The following MAST4 variants were observed in gnomAD, a reference collection of about 807,000 sequenced individuals.
MAST4 encodes the protein microtubule-associated serine/threonine-protein kinase 4.
In MAST4, 89 loss-of-function variants were observed where a neutral mutation model predicts 162.7. The ratio of observed to expected loss-of-function variants is 0.55; its 90% CI spans 0.46 to 0.65. MAST4 has a LOEUF of 0.65. MAST4 is among the 30% of genes least tolerant of loss of function. The pLI is 0.00. For missense variants in MAST4, 3,153 were observed against 3,374.0 expected (o/e 0.93, Z 1.62); for synonymous variants, 1,479 against 1,361.1 (o/e 1.09, Z -1.91).
rs371906395 is a variant in MAST4 at position 66,678,723 on chromosome 5, G to A, written c.364-80986G>A. Among the ~76,000 whole-genome samples, 246 of 151,890 alleles carry A rather than the reference G, an allele frequency of 1.6e-3. 1 individual carries two copies. Among genetic ancestry groups the A allele is most frequent in the African/African-American group, 5.6e-3 (231 of 41,360 alleles). ...TTGGCCACAATGGTCTCCATCTCTT[G>A]ATCTCGTGATCTTCCCACCTTGGCC... is the stretch of plus-strand genomic sequence containing the variant. On this transcript the variant is annotated intron_variant, in intron 1 of 28. Transcript: ENST00000403625.
rs1338691290 is a variant in MAST4, at chr5:67,167,139, G to T, written c.*88G>T. 4.8e-5 allele frequency: 58 copies of T among 1,209,654 alleles called. 1 individual carries two copies. In the South Asian group the frequency reaches 1.0e-3, roughly 21 times the overall value. The allele number at this position is 1,209,654 out of a possible 1,614,324, so 74.9% of individuals were successfully genotyped here. A position where few individuals can be genotyped will look rare whatever the true frequency, so the allele number is the denominator to read the frequency against. On this transcript the variant is annotated 3_prime_UTR_variant, in exon 29 of 29. Transcript: ENST00000403625. Reference sequence around the variant, plus strand: ...ACCTTTCAAAACCAGCACTGTGTGGGAATGTCCGCCAGGCAGAGCTCGGAG... The same window carrying T: ...ACCTTTCAAAACCAGCACTGTGTGGTAATGTCCGCCAGGCAGAGCTCGGAG...
At position 66,714,430 on chromosome 5, in the gene MAST4, A is replaced by C. The variant is rs1406315126; in HGVS notation, c.364-45279A>C. 2.6e-5 allele frequency among the ~76,000 whole-genome samples: 4 copies of C among 152,006 alleles called. No homozygotes were observed. In the East Asian group the frequency reaches 7.7e-4, roughly 29 times the overall value. ...AAAATCTAGGAACTGAGAAGAACAG[A>C]CCTCCTATTTATGAAGATAACATTG... is the stretch of plus-strand genomic sequence containing the variant. On this transcript the variant is annotated intron_variant, in intron 1 of 28. Coordinates refer to ENST00000403625, the MANE Select transcript of MAST4 (RefSeq NM_001164664.2).
chr5:66,719,241 T>C (rs561000789), intron 1 of MAST4, among the ~76,000 whole-genome samples: 3 of 152,358 alleles, frequency 2.0e-5, no homozygotes, highest in Non-Finnish European at 4.4e-5. Flanking sequence ...AAAAGCTTTC[T>C]CAAACCTAAT....
chr5:67,119,528 G>T (rs1030738929), intron 13 of MAST4, among the ~76,000 whole-genome samples: 4 of 152,046 alleles, frequency 2.6e-5, no homozygotes, highest in African/African-American at 7.3e-5. Context: ...TCTACCAGCT[G>T]GGGGGTGGGG....
chr5:66,694,740 G>C (rs1395789024), intron 1 of MAST4, among the ~76,000 whole-genome samples: 1 of 152,110 alleles, frequency 6.6e-6, no homozygotes, highest in Non-Finnish European at 1.5e-5. Context: ...GCCCACCTTG[G>C]CCTTCCAAAG....
intron 4 of MAST4, among the ~76,000 whole-genome samples, chr5:66,988,679 G>C (rs556673650): frequency 7.9e-5 from 12 of 152,132 alleles, no homozygotes; most frequent in Non-Finnish European, 1.6e-4. Flanking sequence ...AGTGGCTCCA[G>C]GATTTATGTT....
intron 1 of MAST4, among the ~76,000 whole-genome samples, chr5:66,754,256 A>G (rs894604910): frequency 6.6e-6 from 1 of 152,218 alleles, no homozygotes; most frequent in Non-Finnish European, 1.5e-5. Context: ...TGATTTGGAC[A>G]AATATATATG....
At chr5:66,926,409 T>C (rs1764894074) in intron 4 of MAST4, among the ~76,000 whole-genome samples, 1 of 152,022 alleles carries the variant, frequency 6.6e-6, no homozygotes, top group Non-Finnish European at 1.5e-5. Flanking sequence ...TTAGCCGGCA[T>C]GGTGGTGTGC....
At chr5:67,119,727 C>T (rs1767350314) in intron 13 of MAST4, among the ~76,000 whole-genome samples, 1 of 152,192 alleles carries the variant, frequency 6.6e-6, no homozygotes, top group South Asian at 2.1e-4. Flanking sequence ...ATCCATCAAA[C>T]TGGCAACTGT....
chr5:67,004,368 T>A (rs1447608800), intron 4 of MAST4, among the ~76,000 whole-genome samples: 3 of 152,122 alleles, frequency 2.0e-5, no homozygotes, highest in Non-Finnish European at 4.4e-5. Context: ...TCCACAAAGG[T>A]GTCAGGTTCA....
chr5:66,645,688 T>C (rs974001436), intron 1 of MAST4, among the ~76,000 whole-genome samples: 2 of 152,182 alleles, frequency 1.3e-5, no homozygotes, highest in East Asian at 1.9e-4. Context: ...AAATCACACA[T>C]AGTATTTGTT....
intron 1 of MAST4, among the ~76,000 whole-genome samples, chr5:66,667,477 T>C (rs1350102753): frequency 6.6e-6 from 1 of 152,228 alleles, no homozygotes; most frequent in Non-Finnish European, 1.5e-5. Context: ...TGATGTTTGC[T>C]GCTTATTACA....
Position 66,969,639 on chromosome 5 carries a change from A to T in MAST4, c.674+69657A>T, listed in dbSNP as rs568950587. 4.5e-4 allele frequency among the ~76,000 whole-genome samples: 69 copies of T among 152,114 alleles called. 1 individual carries two copies. Among genetic ancestry groups the T allele is most frequent in the Middle Eastern group, 3.2e-3 (1 of 316 alleles). ...TGCTTGGAAAGGTTACTGGGTATCCATGGCTGCCTGAATCCCCCTCACTTC... is the reference window on the plus strand; with the variant it reads ...TGCTTGGAAAGGTTACTGGGTATCCTTGGCTGCCTGAATCCCCCTCACTTC... On this transcript the variant is annotated intron_variant, in intron 4 of 28. Coordinates refer to ENST00000403625, the MANE Select transcript of MAST4 (RefSeq NM_001164664.2).
chr5:66,994,024 A>G (rs1750354093), intron 4 of MAST4, among the ~76,000 whole-genome samples: 4 of 150,788 alleles, frequency 2.7e-5, no homozygotes, highest in Non-Finnish European at 5.9e-5. Flanking sequence ...CTGTAGAACA[A>G]TGGGGACCCA....
chr5:67,049,023 G>GTATATATATATACACATATATATATA (rs1554087410), intron 4 of MAST4, among the ~76,000 whole-genome samples: 2 of 85,666 alleles, frequency 2.3e-5, no homozygotes, highest in Admixed American at 1.3e-4. Context: ...ATATATATAC[G>GTATATATATATACACATATATATATA]TATATATATA....
intron 1 of MAST4, among the ~76,000 whole-genome samples, chr5:66,669,044 A>G (rs1479475667): frequency 6.6e-6 from 1 of 152,246 alleles, no homozygotes; most frequent in African/African-American, 2.4e-5. Flanking sequence ...AGACTGCAGC[A>G]TCCTTAGTAC....
intron 2 of MAST4, among the ~76,000 whole-genome samples, chr5:66,777,145 G>T (rs1754641894): frequency 6.6e-6 from 1 of 152,178 alleles, no homozygotes; most frequent in South Asian, 2.1e-4. Flanking sequence ...GGTGAAAGGA[G>T]GATGCAAACT....
chr5:67,061,219 T>TC (rs988969724), intron 5 of MAST4, among the ~76,000 whole-genome samples: 1 of 151,928 alleles, frequency 6.6e-6, no homozygotes, highest in Non-Finnish European at 1.5e-5. Context: ...AAACTTTTGT[T>TC]CCCCCCTTAT....
At chr5:67,038,003 TTAAA>T (rs1446841550) in intron 4 of MAST4, among the ~76,000 whole-genome samples, 1 of 152,218 alleles carries the variant, frequency 6.6e-6, no homozygotes, top group African/African-American at 2.4e-5. Context: ...TATGGACACA[TTAAA>T]TAATCTTCCT....
Sources: allele counts gnomAD v4.1 joint callset (sites outside exome capture counted in the v4.1 genomes callset), GRCh38; gene constraint gnomAD v4.1.1; transcripts MANE v1.5; gene names NCBI Gene and HGNC (gene_info 2026-07-23, HGNC 2026-07-21).